Variants in NME5 observed in about 807,000 individuals in gnomAD.
NME5 encodes the protein NME/NM23 family member 5, also known as nucleoside diphosphate kinase 5.
A neutral mutation model predicts 21.6 loss-of-function variants in NME5; 18 were observed. The ratio of observed to expected loss-of-function variants is 0.83; its 90% confidence interval spans 0.58 to 1.24. The LOEUF (loss-of-function observed/expected upper bound fraction) is 1.24, where lower values mean the gene tolerates loss of function less well. NME5 is among the 50% of genes most tolerant of loss of function. The pLI, the probability that NME5 is intolerant of heterozygous loss-of-function variation, is 0.00. For missense variants in NME5, 223 were observed against 255.4 expected, an observed-to-expected ratio of 0.87 and a Z score of 0.86; for synonymous variants, 70 against 80.6, an observed-to-expected ratio of 0.87 and a Z score of 0.71.
At position 138,134,096 on chromosome 5, in the gene NME5, TTTTG is replaced by T. The variant is rs1424318095; in HGVS notation, c.129+4552_129+4555del. Among the ~76,000 whole-genome samples, 41 of 152,332 alleles carry T rather than the reference TTTTG, an allele frequency of 2.7e-4. 2 individuals are homozygous for T. The highest frequency in any genetic ancestry group is 2.5e-3 in the Admixed American group (39 of 15,298). ...TGTCATATATATTTACATTAAATTT[TTTTG>T]TTTGTTTGTTTTTTCTGGTCTCAGT... On this transcript the variant is annotated intron_variant, in intron 2 of 5. Transcript: ENST00000265191.
intron 2 of NME5, among the ~76,000 whole-genome samples, chr5:138,132,864 A>G (rs984723324): frequency 6.6e-6 from 1 of 152,212 alleles, no homozygotes; most frequent in Non-Finnish European, 1.5e-5. Flanking sequence ...AGAAATTACA[A>G]GAGCACCTGA....
At chr5:138,121,621 C>T (rs1486330659) in intron 4 of NME5, among the ~76,000 whole-genome samples, 1 of 152,154 alleles carries the variant, frequency 6.6e-6, no homozygotes, top group Admixed American at 6.6e-5. Flanking sequence ...AAGTTTACTT[C>T]TAGATCCTCA....
chr5:138,124,159 G>A (rs1362362458), intron 4 of NME5, among the ~76,000 whole-genome samples: 2 of 151,510 alleles, frequency 1.3e-5, no homozygotes, highest in Non-Finnish European at 2.9e-5. Flanking sequence ...ACCACACCTG[G>A]CTAATTTTTT....
chr5:138,126,335 C>T (rs1260643393), intron 4 of NME5, among the ~76,000 whole-genome samples: 1 of 151,126 alleles, frequency 6.6e-6, no homozygotes, highest in African/African-American at 2.4e-5. Context: ...CATGGCAAAA[C>T]TCCGCTTCTA....
intron 2 of NME5, among the ~76,000 whole-genome samples, chr5:138,132,949 T>TG (rs1350002007): frequency 2.6e-5 from 4 of 152,258 alleles, no homozygotes; most frequent in Non-Finnish European, 4.4e-5. Flanking sequence ...CGTTTTTTTT[T>TG]TTTGTTTTTT....
chr5:138,135,306 C>T (rs1751672157), intron 2 of NME5, among the ~76,000 whole-genome samples: 1 of 140,488 alleles, frequency 7.1e-6, no homozygotes, highest in Admixed American at 7.1e-5. Context: ...CGACACAGAG[C>T]GAGACTCCGT....
intron 4 of NME5, among the ~76,000 whole-genome samples, chr5:138,121,932 A>G (rs528555616): frequency 2.0e-4 from 31 of 151,962 alleles, no homozygotes; most frequent in Non-Finnish European, 4.4e-4. Context: ...GACTGAAGCA[A>G]TCCTTCTGCC....
chr5:138,131,621 T>C (rs1034817408), intron 2 of NME5, among the ~76,000 whole-genome samples: 2 of 151,952 alleles, frequency 1.3e-5, no homozygotes, highest in African/African-American at 2.4e-5. Flanking sequence ...TCTGGACAAA[T>C]AGATGTTATT....
chr5:138,119,448 T>C (rs970925099), intron 4 of NME5, among the ~76,000 whole-genome samples: 11 of 152,056 alleles, frequency 7.2e-5, no homozygotes, highest in Admixed American at 3.3e-4. Context: ...TCCTCCTGTC[T>C]CGGCCTCCCA....
intron 4 of NME5, among the ~76,000 whole-genome samples, chr5:138,128,020 G>A (rs1462466609): frequency 1.3e-5 from 2 of 152,146 alleles, no homozygotes; most frequent in East Asian, 3.8e-4. Context: ...CTGAGAGTAT[G>A]CTGGGCAATA....
At position 138,131,204 on chromosome 5, in the gene NME5, TAAAAA is replaced by T. The variant is rs762579967; in HGVS notation, c.130-1741_130-1737del. On this transcript the variant is annotated intron_variant, in intron 2 of 5. Coordinates refer to ENST00000265191, the MANE Select transcript of NME5 (RefSeq NM_003551.3). ...CAACATGATGAAACCCCGTCTCTGC[TAAAAA>T]AAAAAAAAAAAAAAAAAAAAAATTA... Among the ~76,000 whole-genome samples, 139 of 80,864 alleles carry T rather than the reference TAAAAA, an allele frequency of 1.7e-3. 1 individual carries two copies. Among genetic ancestry groups the T allele is most frequent in the Admixed American group, 2.2e-3 (16 of 7,224 alleles). The allele number at this position is 80,864 out of a possible 152,430, so 53.0% of individuals were successfully genotyped here.
chr5:138,129,939 A>C (rs1349626770), intron 2 of NME5, among the ~76,000 whole-genome samples: 1 of 152,236 alleles, frequency 6.6e-6, no homozygotes, highest in Admixed American at 6.5e-5. Context: ...CCCGGGCGAC[A>C]GAGAAAAAGA....
chr5:138,118,531 G>A (rs1751214177), intron 5 of NME5, among the ~76,000 whole-genome samples: 1 of 151,768 alleles, frequency 6.6e-6, no homozygotes, highest in South Asian at 2.1e-4. Context: ...TGTCACCCAG[G>A]CTGGAGTGCA....
chr5:138,126,774 T>A (rs1751437656), intron 4 of NME5, among the ~76,000 whole-genome samples: 1 of 151,666 alleles, frequency 6.6e-6, no homozygotes, highest in African/African-American at 2.4e-5. Context: ...GTAGTGAGAT[T>A]TCATGTCTAT....
chr5:138,119,747 C>T (rs1042355152), intron 4 of NME5, among the ~76,000 whole-genome samples: 1 of 151,596 alleles, frequency 6.6e-6, no homozygotes, highest in Non-Finnish European at 1.5e-5. Context: ...AACCCCGTCT[C>T]CCAGGTTGAA....
intron 2 of NME5, among the ~76,000 whole-genome samples, chr5:138,131,204 TAAAAAAAAAA>T (rs762579967): frequency 3.7e-5 from 3 of 80,876 alleles, no homozygotes; most frequent in African/African-American, 1.2e-4. Context: ...CCGTCTCTGC[TAAAAAAAAAA>T]AAAAAAAAAA....
chr5:138,118,912 C>A lies in NME5; in HGVS notation c.461G>T (p.Gly154Val), dbSNP rs1391356296. Reference protein sequence around the residue: ...PEVIVEPIPIGQAAKDYLNLH... With the variant: ...PEVIVEPIPIVQAAKDYLNLH... ...ATTTAAATAGTCCTTAGCAGCTTGT[C>A]CAATTGGAATGGGCTCAACAATCAC... The change falls in exon 5 of 6, where the codon GGA becomes GTA. Residue 154 changes from glycine (G) to valine (V), a missense_variant. Coordinates refer to ENST00000265191, the MANE Select transcript of NME5 (RefSeq NM_003551.3). 1.2e-6 allele frequency: 2 copies of A among 1,610,206 alleles called. No individual in the cohort carries two copies. The highest frequency in any genetic ancestry group is 2.2e-5 in the South Asian group (2 of 90,980).
chr5:138,134,140 A>G (rs1751636493), intron 2 of NME5, among the ~76,000 whole-genome samples: 1 of 152,262 alleles, frequency 6.6e-6, no homozygotes, highest in East Asian at 1.9e-4. Context: ...TGCCCAGACA[A>G]TCTCAGTTCA....
At chr5:138,136,499 T>C (rs1035341652) in intron 2 of NME5, among the ~76,000 whole-genome samples, 1 of 152,156 alleles carries the variant, frequency 6.6e-6, no homozygotes, top group Non-Finnish European at 1.5e-5. Flanking sequence ...TTTTATCTTT[T>C]TCTAGGAGCT....
Sources: gnomAD v4.1 joint callset for allele counts (sites outside exome capture counted in the v4.1 genomes callset) on GRCh38, gnomAD v4.1.1 for gene constraint, MANE v1.5 for transcripts, NCBI Gene and HGNC (gene_info 2026-07-23, HGNC 2026-07-21) for gene names.